Variants in CDKAL1 observed in about 807,000 individuals in gnomAD.
CDKAL1 encodes threonylcarbamoyladenosine tRNA methylthiotransferase.
In CDKAL1, 32 loss-of-function variants were observed where a neutral mutation model predicts 68.2. The observed-to-expected ratio is 0.47, with a 90% confidence interval of 0.35 to 0.63. The LOEUF is 0.63. CDKAL1 is among the 30% of genes least tolerant of loss of function. CDKAL1 has a pLI of 0.00. For synonymous variants in CDKAL1, 234 were observed against 244.3 expected (o/e 0.96, Z 0.39); for missense variants, 606 against 696.7 (o/e 0.87, Z 1.47).
chr6:20,856,218 G>A (rs1336452031), intron 9 of CDKAL1, among the ~76,000 whole-genome samples: 2 of 152,190 alleles, frequency 1.3e-5, no homozygotes, highest in East Asian at 1.9e-4. Context: ...TTAACCAAGA[G>A]GGGATTGGGG....
intron 8 of CDKAL1, among the ~76,000 whole-genome samples, chr6:20,820,770 T>C (rs990977063): frequency 9.2e-5 from 14 of 152,110 alleles, no homozygotes; most frequent in Admixed American, 2.6e-4. Flanking sequence ...GAGGGCCTAC[T>C]GTGTACCAGG....
chr6:20,880,498 G>T, intron 9 of CDKAL1, among the ~76,000 whole-genome samples: 1 of 152,146 alleles, frequency 6.6e-6, no homozygotes, highest in South Asian at 2.1e-4. Context: ...CTCATGATCC[G>T]CCCACCTCGG....
At chr6:21,131,691 C>T (rs1775329986) in intron 13 of CDKAL1, among the ~76,000 whole-genome samples, 1 of 152,294 alleles carries the variant, frequency 6.6e-6, no homozygotes, top group Non-Finnish European at 1.5e-5. Context: ...GATGGCTACT[C>T]TAAAATGTTA....
At chr6:21,005,245 G>T (rs1021073245) in intron 11 of CDKAL1, among the ~76,000 whole-genome samples, 7 of 152,096 alleles carry the variant, frequency 4.6e-5, no homozygotes, top group Non-Finnish European at 1.0e-4. Context: ...TATCATTTGA[G>T]CAGCAGTGAA....
intron 4 of CDKAL1, among the ~76,000 whole-genome samples, chr6:20,572,654 TTTGTTCC>T (rs1336241809): frequency 6.6e-6 from 1 of 152,154 alleles, no homozygotes; most frequent in Non-Finnish European, 1.5e-5. Flanking sequence ...CAGTGCTGTT[TTTGTTCC>T]TTGTTTTGTG....
At chr6:20,773,763 G>T (rs1432770128) in intron 7 of CDKAL1, among the ~76,000 whole-genome samples, 4 of 152,094 alleles carry the variant, frequency 2.6e-5, no homozygotes, top group African/African-American at 9.7e-5. Flanking sequence ...AGCCAGGATG[G>T]TCTTGATCTT....
At chr6:20,623,689 T>C (rs536817511) in intron 4 of CDKAL1, among the ~76,000 whole-genome samples, 3 of 152,132 alleles carry the variant, frequency 2.0e-5, no homozygotes, top group Non-Finnish European at 4.4e-5. Flanking sequence ...AGTCATGGTT[T>C]CTGAAATAAA....
chr6:20,612,990 TACACACACAC>T (rs55999857), intron 4 of CDKAL1, among the ~76,000 whole-genome samples: 8,473 of 129,956 alleles, frequency 0.065, 312 homozygotes, highest in Middle Eastern at 0.11. Flanking sequence ...TTGCAATTTC[TACACACACAC>T]ACACACACAC....
intron 4 of CDKAL1, among the ~76,000 whole-genome samples, chr6:20,600,771 C>CATATATATATATATATATATATAAATAT (rs10522824): frequency 8.1e-6 from 1 of 124,176 alleles, no homozygotes; most frequent in Non-Finnish European, 1.7e-5. Flanking sequence ...TATATGTATA[C>CATATATATATATATATATATATAAATAT]ATATATATAT....
At chr6:21,178,688 C>G (rs1411809803) in intron 13 of CDKAL1, among the ~76,000 whole-genome samples, 1 of 152,170 alleles carries the variant, frequency 6.6e-6, no homozygotes, top group African/African-American at 2.4e-5. Flanking sequence ...ATGGACCTTT[C>G]TAGTTATAAT....
chr6:20,825,558 T>C (rs1777468984), intron 8 of CDKAL1, among the ~76,000 whole-genome samples: 2 of 152,124 alleles, frequency 1.3e-5, no homozygotes, highest in Non-Finnish European at 2.9e-5. Context: ...TTGTACTTTA[T>C]TTGTTAAGTA....
At chr6:20,635,131 C>G (rs992708352) in intron 4 of CDKAL1, among the ~76,000 whole-genome samples, 4 of 152,138 alleles carry the variant, frequency 2.6e-5, no homozygotes. Context: ...ATCCAATTCT[C>G]TGACCCTCTC....
chr6:21,203,174 T>C (rs571761345), intron 15 of CDKAL1, among the ~76,000 whole-genome samples: 44 of 148,512 alleles, frequency 3.0e-4, no homozygotes, highest in African/African-American at 9.9e-4. Flanking sequence ...ATCAGCTTCC[T>C]GAGTAGCTGG....
At chr6:21,012,465 G>T (rs1032533290) in intron 11 of CDKAL1, among the ~76,000 whole-genome samples, 1 of 152,094 alleles carries the variant, frequency 6.6e-6, no homozygotes, top group Non-Finnish European at 1.5e-5. Flanking sequence ...GTCCTTTTCA[G>T]GAAGTCCAGG....
intron 13 of CDKAL1, among the ~76,000 whole-genome samples, chr6:21,157,062 G>A (rs1018168283): frequency 6.6e-6 from 1 of 152,194 alleles, no homozygotes; most frequent in Non-Finnish European, 1.5e-5. Context: ...ATGGTAGGTA[G>A]GGTGGAAAGA....
intron 12 of CDKAL1, among the ~76,000 whole-genome samples, chr6:21,074,184 A>G (rs899594115): frequency 1.3e-5 from 2 of 152,238 alleles, no homozygotes; most frequent in Non-Finnish European, 1.5e-5. Flanking sequence ...CCTCAGAATC[A>G]TGTACCAGAA....
intron 12 of CDKAL1, among the ~76,000 whole-genome samples, chr6:21,089,221 A>G (rs1164834813): frequency 1.3e-5 from 2 of 152,272 alleles, no homozygotes; most frequent in East Asian, 1.9e-4. Context: ...GATGCCCACA[A>G]TCCCAGCACT....
At chr6:20,764,082 T>G (rs1006862491) in intron 7 of CDKAL1, among the ~76,000 whole-genome samples, 28 of 152,086 alleles carry the variant, frequency 1.8e-4, no homozygotes, top group Admixed American at 1.3e-3. Context: ...AAACTTTTTT[T>G]TGTATGAAAA....
Position 21,231,152 on chromosome 6 carries a change from C to A in CDKAL1, c.*113C>A. 1.4e-6 allele frequency: 1 copy of A among 732,246 alleles called. No individual in the cohort carries two copies. The highest frequency in any genetic ancestry group is 2.1e-6 in the Non-Finnish European group (1 of 474,588). The allele number at this position is 732,246 out of a possible 1,614,324, so 45.4% of individuals were successfully genotyped here. On this transcript the variant is annotated 3_prime_UTR_variant, in exon 16 of 16. Transcript: ENST00000274695. The stretch of plus-strand genomic sequence containing the variant: ...AGGGCAATAATTTGTACTGGTCATG[C>A]TGCCTCCTTCTCAGCCACTCTTCTT...
Sources: allele counts gnomAD v4.1 joint callset (sites outside exome capture counted in the v4.1 genomes callset), GRCh38; gene constraint gnomAD v4.1.1; transcripts MANE v1.5; gene names NCBI Gene and HGNC (gene_info 2026-07-23, HGNC 2026-07-21).